DPYS: variants seen among roughly 807,000 people sequenced by gnomAD.
DPYS encodes the protein dihydropyrimidinase, also known as dihydropyrimidine amidohydrolase.
DPYS carries 39 observed loss-of-function variants against 50.3 expected under a neutral mutation model. The observed-to-expected ratio is 0.78, with a 90% CI of 0.60 to 1.01. The LOEUF (loss-of-function observed/expected upper bound fraction) is 1.01, where lower values mean the gene tolerates loss of function less well. Ranked by LOEUF, DPYS falls within the 50% of genes least tolerant of loss-of-function variation. The probability of loss-of-function intolerance (pLI) is 0.00; values close to 1 mark genes in which losing one functional copy is unlikely to be tolerated. For missense variants in DPYS, 659 were observed against 680.9 expected, an observed-to-expected ratio of 0.97 and a Z score of 0.36; for synonymous variants, 245 against 250.7, an observed-to-expected ratio of 0.98 and a Z score of 0.22.
chr8:104,436,658 A>C (rs1365621634), intron 4 of DPYS, among the ~76,000 whole-genome samples: 1 of 152,096 alleles, frequency 6.6e-6, no homozygotes, highest in Admixed American at 6.6e-5. Flanking sequence ...GTAACCCAGG[A>C]AACAGAAGAG....
chr8:104,379,949 C>G (rs1810977359), intron 9 of DPYS, 106 bp from the exon 10 acceptor site: 1 of 396,554 alleles, frequency 2.5e-6, no homozygotes, highest in Admixed American at 2.8e-5. Context: ...AAACACTAAT[C>G]CTGCTCCTAT....
At chr8:104,426,538 T>C (rs1466743181) in intron 6 of DPYS, among the ~76,000 whole-genome samples, 1 of 152,186 alleles carries the variant, frequency 6.6e-6, no homozygotes, top group Non-Finnish European at 1.5e-5. Flanking sequence ...TTGACAAGAC[T>C]TGGTGAATAA....
At chr8:104,458,756 G>A (rs1490060716) in intron 1 of DPYS, among the ~76,000 whole-genome samples, 2 of 152,130 alleles carry the variant, frequency 1.3e-5, no homozygotes, top group Non-Finnish European at 2.9e-5. Context: ...AATATTGCTA[G>A]TCCTGGCCCT....
At chr8:104,447,534 A>T in intron 2 of DPYS, 31 bp from the exon 3 acceptor site, 1 of 1,607,138 alleles carries the variant, frequency 6.2e-7, no homozygotes, top group East Asian at 2.2e-5. Context: ...TAACAACAAT[A>T]TGTTACTCTA....
chr8:104,452,405 C>T (rs559207297), intron 1 of DPYS, among the ~76,000 whole-genome samples: 1 of 152,158 alleles, frequency 6.6e-6, no homozygotes, highest in Admixed American at 6.5e-5. Flanking sequence ...CACCAGGGTA[C>T]AAAGCTCAGC....
At chr8:104,412,827 G>T (rs926107580) in intron 7 of DPYS, among the ~76,000 whole-genome samples, 31 of 152,294 alleles carry the variant, frequency 2.0e-4, no homozygotes, top group African/African-American at 7.0e-4. Flanking sequence ...TACCACCCTG[G>T]TAAAGAATGG....
intron 7 of DPYS, among the ~76,000 whole-genome samples, chr8:104,406,196 A>G (rs921634396): frequency 6.6e-6 from 1 of 152,098 alleles, no homozygotes; most frequent in African/African-American, 2.4e-5. Context: ...GCAGTGGTTA[A>G]AAGTCTAGAT....
chr8:104,456,589 T>C (rs1199586365), intron 1 of DPYS, among the ~76,000 whole-genome samples: 2 of 152,222 alleles, frequency 1.3e-5, no homozygotes, highest in African/African-American at 4.8e-5. Flanking sequence ...TTGGAGAAGC[T>C]GTATTGAATG....
chr8:104,392,962 GC>G lies in DPYS; in HGVS notation c.1264del (p.Ala422LeufsTer18), dbSNP rs763504223. 1 of 1,613,990 alleles carries G rather than the reference GC, an allele frequency of 6.2e-7. No individual in the cohort carries two copies. The highest frequency in any genetic ancestry group is 8.5e-7 in the Non-Finnish European group (1 of 1,180,026). ...GCCCTCGAAAATGTTGAAGTTAACAGCCTGATGATGAGTTTTTGCTGAGATA... is the reference window on the plus strand; with the variant it reads ...GCCCTCGAAAATGTTGAAGTTAACAGCTGATGATGAGTTTTTGCTGAGATA... ...RTISAKTHHQ[A>X]VNFNIFEGMV... On this transcript the variant is annotated frameshift_variant, in exon 8 of 10. Transcript: ENST00000351513. LOFTEE classifies it high-confidence loss of function.
At chr8:104,411,199 A>G (rs571055249) in intron 7 of DPYS, among the ~76,000 whole-genome samples, 16 of 152,332 alleles carry the variant, frequency 1.1e-4, no homozygotes, top group Non-Finnish European at 2.4e-4. Flanking sequence ...TGTCTCCCTC[A>G]GTACTCAGTA....
At chr8:104,464,238 T>TA (rs1814271028) in intron 1 of DPYS, among the ~76,000 whole-genome samples, 1 of 152,178 alleles carries the variant, frequency 6.6e-6, no homozygotes, top group South Asian at 2.1e-4. Flanking sequence ...CTATACGCCA[T>TA]AAGGACCTAC....
chr8:104,439,065 A>T (rs1291882690), intron 4 of DPYS, among the ~76,000 whole-genome samples: 1 of 140,310 alleles, frequency 7.1e-6, no homozygotes, highest in African/African-American at 2.7e-5. Flanking sequence ...CCTCTTAAAT[A>T]AAAAAAAAAA....
At position 104,466,627 on chromosome 8, in the gene DPYS, C is replaced by T. The variant is rs552354398; in HGVS notation, c.264+30G>A. ...AGGCTGCCCGAGCCTCCGTGGGTAC[C>T]GCGGGGCGGGGGCGCGGCGGGGCGG... On this transcript the variant is annotated intron_variant, in intron 1 of 9. Transcript: ENST00000351513. The T allele has an allele frequency of 1.8e-3, 2,760 of 1,500,866 alleles. 7 individuals are homozygous for T. The highest frequency in any genetic ancestry group is 2.1e-3 in the Non-Finnish European group (2,347 of 1,126,682). 93.0% of individuals were successfully genotyped at this position (1,500,866 alleles called of 1,614,324 possible).
chr8:104,464,459 A>G (rs1814280101), intron 1 of DPYS, among the ~76,000 whole-genome samples: 1 of 152,210 alleles, frequency 6.6e-6, no homozygotes. Flanking sequence ...AATGAAAGCT[A>G]CTGCTCAGCT....
intron 2 of DPYS, among the ~76,000 whole-genome samples, chr8:104,448,944 T>C (rs187237955): frequency 1.3e-5 from 2 of 152,328 alleles, no homozygotes; most frequent in East Asian, 3.9e-4. Context: ...CACCAGGATT[T>C]CAGCCCCATG....
intron 7 of DPYS, among the ~76,000 whole-genome samples, chr8:104,408,556 T>G (rs367683231): frequency 6.6e-6 from 1 of 152,232 alleles, no homozygotes. Flanking sequence ...ATCAAAAGAT[T>G]GTACCCTTTG....
chr8:104,402,719 A>T (rs1050794661), intron 7 of DPYS, among the ~76,000 whole-genome samples: 1 of 152,166 alleles, frequency 6.6e-6, no homozygotes, highest in Non-Finnish European at 1.5e-5. Flanking sequence ...CCAGGGACTT[A>T]TTGGTATGTT....
intron 3 of DPYS, among the ~76,000 whole-genome samples, chr8:104,445,221 T>A (rs1182379525): frequency 6.6e-6 from 1 of 152,152 alleles, no homozygotes; most frequent in Non-Finnish European, 1.5e-5. Context: ...TTCAAAAGAC[T>A]AAAAACAGAG....
intron 1 of DPYS, 34 bp from the exon 2 acceptor site, chr8:104,451,438 A>C: frequency 6.2e-7 from 1 of 1,613,218 alleles, no homozygotes; most frequent in Non-Finnish European, 8.5e-7. Context: ...CAAATTAGCT[A>C]TCAATTTCCT....
Sources: allele counts gnomAD v4.1 joint callset (sites outside exome capture counted in the v4.1 genomes callset), GRCh38; gene constraint gnomAD v4.1.1; transcripts MANE v1.5; gene names NCBI Gene and HGNC (gene_info 2026-07-23, HGNC 2026-07-21).